The following WWOX variants were observed in gnomAD, a reference collection of about 807,000 sequenced individuals.
The protein encoded by WWOX is WW domain containing oxidoreductase.
A neutral mutation model predicts 46.2 loss-of-function variants in WWOX; 69 were observed. The observed-to-expected ratio is 1.49, with a 90% CI of 1.23 to 1.82. The LOEUF (loss-of-function observed/expected upper bound fraction) is 1.82. WWOX is among the 40% of genes most tolerant of loss of function. The pLI is 0.00. For synonymous variants in WWOX, 359 were observed against 202.6 expected (o/e 1.77, Z -6.56); for missense variants, 919 against 542.6 (o/e 1.69, Z -6.89).
intron 8 of WWOX, among the ~76,000 whole-genome samples, chr16:78,883,490 G>A (rs1353827077): frequency 6.6e-6 from 1 of 152,188 alleles, no homozygotes; most frequent in Non-Finnish European, 1.5e-5. Flanking sequence ...GCGGGAGGCT[G>A]AGGCAAGCTG....
chr16:78,919,700 G>C (rs1371937946), intron 8 of WWOX, among the ~76,000 whole-genome samples: 1 of 151,656 alleles, frequency 6.6e-6, no homozygotes, highest in South Asian at 2.1e-4. Flanking sequence ...GTATTTTTAG[G>C]AGAGAGGGGT....
At chr16:79,176,701 A>T (rs2011188) in intron 8 of WWOX, among the ~76,000 whole-genome samples, 77,098 of 151,682 alleles carry the variant, frequency 0.51, 20,394 homozygotes, top group East Asian at 0.9. Flanking sequence ...ATTTTATGAT[A>T]GAATACAAAA....
intron 8 of WWOX, among the ~76,000 whole-genome samples, chr16:78,733,943 C>G (rs111331352): frequency 2.6e-5 from 4 of 151,840 alleles, no homozygotes; most frequent in African/African-American, 9.7e-5. Flanking sequence ...ACCTGTGGTC[C>G]CAGGTAGTTG....
rs143768849 is a variant in WWOX, at chr16:78,178,221, C to G, written c.516+13932C>G. Reference sequence around the variant, plus strand: ...GGTACAGAGGGGATTAGGGCAGATTCAAACCTCACTGGTCCCCCGTCCCAG... The same window carrying G: ...GGTACAGAGGGGATTAGGGCAGATTGAAACCTCACTGGTCCCCCGTCCCAG... On this transcript the variant is annotated intron_variant, in intron 5 of 8. Transcript: ENST00000566780. 4.7e-3 allele frequency among the ~76,000 whole-genome samples: 713 copies of G among 152,316 alleles called. 4 individuals carry two copies. Among genetic ancestry groups the G allele is most frequent in the Non-Finnish European group, 7.0e-3 (477 of 68,028 alleles).
chr16:78,873,844 C>T (rs2044178198), intron 8 of WWOX, among the ~76,000 whole-genome samples: 3 of 151,752 alleles, frequency 2.0e-5, no homozygotes, highest in Admixed American at 2.0e-4. Context: ...TGTTTTTTTG[C>T]CAGGCCATGT....
chr16:78,442,552 G>C (rs544508327), intron 8 of WWOX, among the ~76,000 whole-genome samples: 2 of 152,156 alleles, frequency 1.3e-5, no homozygotes, highest in South Asian at 2.1e-4. Flanking sequence ...TAGAGTATTT[G>C]TCTTTCTGCG....
chr16:79,181,996 C>T (rs560195236), intron 8 of WWOX, among the ~76,000 whole-genome samples: 10 of 152,296 alleles, frequency 6.6e-5, no homozygotes, highest in South Asian at 2.1e-4. Context: ...CTGACAATCC[C>T]GGGGCAGTTT....
At chr16:78,672,494 C>G (rs188811919) in intron 8 of WWOX, among the ~76,000 whole-genome samples, 6 of 152,128 alleles carry the variant, frequency 3.9e-5, no homozygotes, top group Admixed American at 6.5e-5. Flanking sequence ...CAGGCATGCA[C>G]AGGTATCCTG....
chr16:78,251,075 C>T (rs761960585), intron 5 of WWOX, among the ~76,000 whole-genome samples: 16 of 152,148 alleles, frequency 1.1e-4, no homozygotes, highest in South Asian at 4.1e-4. Flanking sequence ...CTTACGTTAC[C>T]GCTATTGGGG....
chr16:78,913,249 C>T (rs2045158075), intron 8 of WWOX, among the ~76,000 whole-genome samples: 1 of 151,976 alleles, frequency 6.6e-6, no homozygotes, highest in African/African-American at 2.4e-5. Flanking sequence ...CCTAGTGCTT[C>T]ACATAAGCAG....
At chr16:78,737,278 A>G (rs937778757) in intron 8 of WWOX, among the ~76,000 whole-genome samples, 3 of 151,116 alleles carry the variant, frequency 2.0e-5, no homozygotes, top group Non-Finnish European at 2.9e-5. Context: ...TTTTGTATGT[A>G]TATGTGTATA....
At position 79,178,467 on chromosome 16, in the gene WWOX, C is replaced by T. The variant is rs183684488; in HGVS notation, c.1057-33141C>T. Among the ~76,000 whole-genome samples, 225 of 152,162 alleles carry T rather than the reference C, an allele frequency of 1.5e-3. 1 individual carries two copies. The highest frequency in any genetic ancestry group is 5.0e-3 in the African/African-American group (208 of 41,498). Reference sequence around the variant, plus strand: ...GAGTAGCTGGATGACAGGTGAGCACCACCATGCCTGGCTAATTTTCTAAAT... The same window carrying T: ...GAGTAGCTGGATGACAGGTGAGCACTACCATGCCTGGCTAATTTTCTAAAT... On this transcript the variant is annotated intron_variant, in intron 8 of 8. Transcript: ENST00000566780.
intron 8 of WWOX, among the ~76,000 whole-genome samples, chr16:78,519,527 TACAC>T (rs1422611089): frequency 1.3e-5 from 2 of 151,936 alleles, no homozygotes; most frequent in African/African-American, 4.8e-5. Context: ...TATATAGACA[TACAC>T]AGATGCATAT....
intron 5 of WWOX, among the ~76,000 whole-genome samples, chr16:78,309,619 C>T (rs1027503946): frequency 2.6e-5 from 4 of 152,186 alleles, no homozygotes; most frequent in Non-Finnish European, 5.9e-5. Flanking sequence ...CACACGTTCC[C>T]AGGACCCCTT....
At chr16:79,101,725 C>T (rs2049198948) in intron 8 of WWOX, 1 of 146,260 alleles carries the variant, frequency 6.8e-6, no homozygotes, top group African/African-American at 2.6e-5. Context: ...CTCTCTCTTT[C>T]TCTGTATTAC....
At chr16:78,745,877 A>G (rs2049336662) in intron 8 of WWOX, among the ~76,000 whole-genome samples, 1 of 151,316 alleles carries the variant, frequency 6.6e-6, no homozygotes, top group South Asian at 2.1e-4. Flanking sequence ...AGCACATTGT[A>G]TTTTAATACT....
intron 8 of WWOX, among the ~76,000 whole-genome samples, chr16:78,757,407 C>G (rs2049679906): frequency 1.3e-5 from 2 of 152,132 alleles, no homozygotes; most frequent in Non-Finnish European, 2.9e-5. Flanking sequence ...ACATAGGACA[C>G]TGTCTGTTGC....
intron 8 of WWOX, among the ~76,000 whole-genome samples, chr16:79,132,578 C>G (rs762870049): frequency 5.3e-5 from 8 of 152,100 alleles, no homozygotes; most frequent in Non-Finnish European, 1.0e-4. Flanking sequence ...TCCATTTGCT[C>G]TCTGTCTGGT....
intron 8 of WWOX, among the ~76,000 whole-genome samples, chr16:79,186,697 C>T (rs537044957): frequency 6.6e-6 from 1 of 152,078 alleles, no homozygotes; most frequent in African/African-American, 2.4e-5. Flanking sequence ...CATCTCACTC[C>T]TGTAAACAGT....
Sources: gnomAD v4.1 joint callset for allele counts (sites outside exome capture counted in the v4.1 genomes callset) on GRCh38, gnomAD v4.1.1 for gene constraint, MANE v1.5 for transcripts, NCBI Gene and HGNC (gene_info 2026-07-23, HGNC 2026-07-21) for gene names.